The following CTNNA3 variants were observed in gnomAD, a reference collection of about 807,000 sequenced individuals.
CTNNA3 encodes the protein catenin alpha-3.
CTNNA3 carries 76 observed loss-of-function variants against 95.7 expected under a neutral mutation model. The ratio of observed to expected loss-of-function variants is 0.79; its 90% CI spans 0.66 to 0.96. The LOEUF (loss-of-function observed/expected upper bound fraction) is 0.96, where lower values mean the gene tolerates loss of function less well. Ranked by LOEUF, CTNNA3 falls within the 40% of genes least tolerant of loss-of-function variation. CTNNA3 has a pLI of 0.00. For synonymous variants in CTNNA3, 431 were observed against 374.4 expected, an observed-to-expected ratio of 1.15 and a Z score of -1.74; for missense variants, 1,191 against 1,089.8, an observed-to-expected ratio of 1.09 and a Z score of -1.31.
At chr10:67,036,521 G>T (rs528858804) in intron 7 of CTNNA3, among the ~76,000 whole-genome samples, 1 of 151,958 alleles carries the variant, frequency 6.6e-6, no homozygotes, top group African/African-American at 2.4e-5. Context: ...AAACTTAGCC[G>T]GGCGTGGTGG....
intron 9 of CTNNA3, among the ~76,000 whole-genome samples, chr10:66,740,887 T>G (rs548042613): frequency 1.1e-4 from 16 of 152,320 alleles, no homozygotes; most frequent in African/African-American, 3.8e-4. Flanking sequence ...AATCTTGCCT[T>G]GAACTTTGAA....
intron 17 of CTNNA3, among the ~76,000 whole-genome samples, chr10:65,964,266 C>T (rs988416477): frequency 6.6e-6 from 1 of 152,144 alleles, no homozygotes; most frequent in African/African-American, 2.4e-5. Flanking sequence ...ATTTAGAAAG[C>T]TTTCTAGGAT....
chr10:67,024,286 T>G (rs1709193824), intron 7 of CTNNA3, among the ~76,000 whole-genome samples: 1 of 152,198 alleles, frequency 6.6e-6, no homozygotes, highest in Admixed American at 6.5e-5. Flanking sequence ...TCTCGTAGAG[T>G]CTGACTTTAC....
intron 1 of CTNNA3, among the ~76,000 whole-genome samples, chr10:67,728,010 T>TAA (rs1841251070): frequency 7.1e-6 from 1 of 140,518 alleles, no homozygotes; most frequent in Non-Finnish European, 1.5e-5. Flanking sequence ...TATTATGTAT[T>TAA]ATATATCATA....
At chr10:66,493,473 G>A (rs536025722) in intron 11 of CTNNA3, among the ~76,000 whole-genome samples, 2 of 152,162 alleles carry the variant, frequency 1.3e-5, no homozygotes, top group African/African-American at 4.8e-5. Context: ...TTAAGAAAGC[G>A]GTAATTTAAG....
chr10:66,592,886 G>A (rs1589463993), intron 10 of CTNNA3, among the ~76,000 whole-genome samples: 2 of 152,240 alleles, frequency 1.3e-5, no homozygotes, highest in African/African-American at 4.8e-5. Flanking sequence ...GTAAGCTACT[G>A]TAATAATAGA....
intron 3 of CTNNA3, among the ~76,000 whole-genome samples, chr10:67,564,370 A>G (rs532682962): frequency 6.7e-6 from 1 of 148,928 alleles, no homozygotes; most frequent in South Asian, 2.3e-4. Context: ...GGTAACCACC[A>G]TTCTGAGCAA....
chr10:66,738,522 A>G (rs1589193775), intron 9 of CTNNA3, among the ~76,000 whole-genome samples: 1 of 152,184 alleles, frequency 6.6e-6, no homozygotes, highest in Non-Finnish European at 1.5e-5. Context: ...TACATTCTAG[A>G]AAAAATATGT....
At chr10:66,870,546 A>C (rs1173529189) in intron 7 of CTNNA3, among the ~76,000 whole-genome samples, 1 of 152,190 alleles carries the variant, frequency 6.6e-6, no homozygotes, top group Admixed American at 6.5e-5. Context: ...GTATCACCCC[A>C]AATGCTGTGA....
intron 9 of CTNNA3, among the ~76,000 whole-genome samples, chr10:66,631,333 C>A (rs1000930830): frequency 6.6e-6 from 1 of 152,114 alleles, no homozygotes; most frequent in African/African-American, 2.4e-5. Context: ...AGGAGAAGAG[C>A]TATCAGGCAA....
intron 10 of CTNNA3, among the ~76,000 whole-genome samples, chr10:66,557,033 C>T (rs997374536): frequency 6.6e-6 from 1 of 151,884 alleles, no homozygotes; most frequent in Non-Finnish European, 1.5e-5. Context: ...TAAAATAATA[C>T]AACTGCAATT....
chr10:66,353,785 G>C (rs74141455), intron 12 of CTNNA3, among the ~76,000 whole-genome samples: 2 of 151,946 alleles, frequency 1.3e-5, no homozygotes, highest in Non-Finnish European at 2.9e-5. Context: ...GATAGTTTTT[G>C]TAACAGGGGA....
At chr10:66,168,423 T>A (rs1400243021) in intron 13 of CTNNA3, among the ~76,000 whole-genome samples, 1 of 152,200 alleles carries the variant, frequency 6.6e-6, no homozygotes, top group Non-Finnish European at 1.5e-5. Context: ...CTTTTATATT[T>A]CACCTATGGC....
At chr10:66,764,241 T>G (rs1839748337) in intron 9 of CTNNA3, among the ~76,000 whole-genome samples, 1 of 152,134 alleles carries the variant, frequency 6.6e-6, no homozygotes, top group Non-Finnish European at 1.5e-5. Flanking sequence ...CTTTCAAAAT[T>G]CACATGGAAT....
At chr10:66,801,338 C>A (rs768142645) in intron 7 of CTNNA3, among the ~76,000 whole-genome samples, 3 of 150,978 alleles carry the variant, frequency 2.0e-5, no homozygotes, top group Admixed American at 1.3e-4. Context: ...AATAAGCAAA[C>A]GGATAATGGA....
At chr10:67,346,919 C>T (rs1293505112) in intron 5 of CTNNA3, among the ~76,000 whole-genome samples, 1 of 152,030 alleles carries the variant, frequency 6.6e-6, no homozygotes, top group African/African-American at 2.4e-5. Context: ...CTGCCTGCCT[C>T]CAAGGGACCA....
chr10:66,326,785 C>T (rs2132304468), intron 12 of CTNNA3, among the ~76,000 whole-genome samples: 1 of 152,088 alleles, frequency 6.6e-6, no homozygotes, highest in Middle Eastern at 3.4e-3. Flanking sequence ...CTAGTATCTT[C>T]CTCTTTGGGG....
At chr10:66,811,285 C>A (rs538291706) in intron 7 of CTNNA3, among the ~76,000 whole-genome samples, 4 of 152,232 alleles carry the variant, frequency 2.6e-5, no homozygotes, top group African/African-American at 9.6e-5. Flanking sequence ...GGACTAGCAA[C>A]ACAGCTGCAG....
At chr10:66,831,558 C>A (rs182463651) in intron 7 of CTNNA3, among the ~76,000 whole-genome samples, 25 of 152,290 alleles carry the variant, frequency 1.6e-4, no homozygotes, top group Admixed American at 1.0e-3. Context: ...GTTGGCACTT[C>A]AATTGTTTAC....
Sources: gnomAD v4.1 joint callset for allele counts (sites outside exome capture counted in the v4.1 genomes callset) on GRCh38, gnomAD v4.1.1 for gene constraint, MANE v1.5 for transcripts, NCBI Gene and HGNC (gene_info 2026-07-23, HGNC 2026-07-21) for gene names.